RTL4: variants seen among roughly 807,000 people sequenced by gnomAD.
The protein encoded by RTL4 is retrotransposon Gag like 4.
In RTL4, 4 loss-of-function variants were observed where a neutral mutation model predicts 5.3. That is an observed-to-expected ratio of 0.75 (90% CI 0.37 to 1.72). The LOEUF is 1.72. Ranked by LOEUF, RTL4 falls within the 40% of genes most tolerant of loss-of-function variation. RTL4 has a pLI of 0.04. For synonymous variants in RTL4, 98 were observed against 87.3 expected (o/e 1.12, Z -0.68); for missense variants, 260 against 227.1 (o/e 1.14, Z -0.93).
the RTL4 span, among the ~76,000 whole-genome samples, chrX:112,378,267 G>A: frequency 2.7e-5 from 3 of 111,280 alleles, no homozygotes; most frequent in Admixed American, 2.9e-4. Context: ...GTTCATAGAT[G>A]GGTTAATTCA....
the RTL4 span, among the ~76,000 whole-genome samples, chrX:112,185,572 A>T: frequency 9.3e-6 from 1 of 108,002 alleles, no homozygotes; most frequent in Non-Finnish European, 1.9e-5. Flanking sequence ...GCATAATTAC[A>T]AACAGATTTG....
chrX:112,441,985 T>C, the RTL4 span, among the ~76,000 whole-genome samples: 8 of 111,750 alleles, frequency 7.2e-5, no homozygotes, highest in Non-Finnish European at 1.1e-4. Context: ...GGATAAACCT[T>C]AAAAACATAC....
chrX:112,440,774 A>G, the RTL4 span, among the ~76,000 whole-genome samples: 1 of 112,014 alleles, frequency 8.9e-6, no homozygotes, highest in African/African-American at 3.2e-5. Flanking sequence ...TTTAGCTGCT[A>G]TATCTAATAT....
the RTL4 span, among the ~76,000 whole-genome samples, chrX:112,398,030 G>A: frequency 1.8e-5 from 2 of 111,744 alleles, no homozygotes; most frequent in Admixed American, 9.5e-5. Flanking sequence ...CTGATTAAGA[G>A]TGTTGAGAGT....
At chrX:112,097,928 G>A in the RTL4 span, among the ~76,000 whole-genome samples, 1 of 111,330 alleles carries the variant, frequency 9.0e-6, no homozygotes, top group Admixed American at 9.5e-5. Flanking sequence ...GCTAGACACT[G>A]TGCTAAGATT....
chrX:112,307,818 C>T, the RTL4 span, among the ~76,000 whole-genome samples: 1 of 111,777 alleles, frequency 8.9e-6, no homozygotes, highest in Non-Finnish European at 1.9e-5. Flanking sequence ...CTTCTCTCAA[C>T]AAGAACGGCC....
the RTL4 span, among the ~76,000 whole-genome samples, chrX:112,180,575 C>G: frequency 8.9e-6 from 1 of 111,792 alleles, no homozygotes; most frequent in African/African-American, 3.3e-5. Context: ...ATTTAAATAA[C>G]TAGTTAATGT....
At chrX:112,316,609 G>T in the RTL4 span, among the ~76,000 whole-genome samples, 1 of 111,768 alleles carries the variant, frequency 8.9e-6, no homozygotes, top group Non-Finnish European at 1.9e-5. Context: ...ATGTCATCTT[G>T]AACTATTAAA....
At chrX:112,330,502 A>T in the RTL4 span, among the ~76,000 whole-genome samples, 1 of 111,039 alleles carries the variant, frequency 9.0e-6, no homozygotes, top group Admixed American at 9.6e-5. Context: ...CAAGGAAATA[A>T]AAGAGGATAC....
chrX:112,300,470 C>T, the RTL4 span, among the ~76,000 whole-genome samples: 7 of 112,208 alleles, frequency 6.2e-5, no homozygotes, highest in African/African-American at 2.3e-4. Flanking sequence ...AAAGTGTTAA[C>T]TGTGTCTTTT....
the RTL4 span, among the ~76,000 whole-genome samples, chrX:112,278,403 C>T: frequency 8.9e-6 from 1 of 111,913 alleles, no homozygotes; most frequent in African/African-American, 3.2e-5. Context: ...GGAAATTTGA[C>T]CACCCAAAGA....
the RTL4 span, among the ~76,000 whole-genome samples, chrX:112,267,197 T>TA: frequency 1.8e-5 from 2 of 111,856 alleles, no homozygotes; most frequent in Admixed American, 9.5e-5. Flanking sequence ...GTTCTCTACT[T>TA]ACTGTCCCCA....
At chrX:112,249,788 T>TAGAG in the RTL4 span, among the ~76,000 whole-genome samples, 6,934 of 97,135 alleles carry the variant, frequency 0.071, 234 homozygotes, top group Non-Finnish European at 0.1. Flanking sequence ...TATATATATA[T>TAGAG]ATATAGAGAG....
chrX:112,261,329 G>A, the RTL4 span, among the ~76,000 whole-genome samples: 1 of 111,609 alleles, frequency 9.0e-6, no homozygotes, highest in Non-Finnish European at 1.9e-5. Flanking sequence ...AAGCTGATAA[G>A]CAACTTCAGC....
At chrX:112,243,812 C>G in the RTL4 span, among the ~76,000 whole-genome samples, 1 of 111,552 alleles carries the variant, frequency 9.0e-6, no homozygotes, top group South Asian at 3.7e-4. Flanking sequence ...TAGATCTTTC[C>G]TGCTTTCTCT....
chrX:112,386,990 C>T, the RTL4 span, among the ~76,000 whole-genome samples: 1 of 109,829 alleles, frequency 9.1e-6, no homozygotes, highest in Non-Finnish European at 1.9e-5. Context: ...TAAGTGTTCC[C>T]TTTTCACCAC....
At chrX:112,394,501 T>C in the RTL4 span, among the ~76,000 whole-genome samples, 1 of 111,881 alleles carries the variant, frequency 8.9e-6, no homozygotes, top group African/African-American at 3.2e-5. Context: ...ATTTAAAAGA[T>C]GAGATATAAA....
chrX:112,086,934 A>G, the RTL4 span, among the ~76,000 whole-genome samples: 4,042 of 112,232 alleles, frequency 0.036, 163 homozygotes, highest in African/African-American at 0.11. Flanking sequence ...AAAGCCTTAC[A>G]TTAATTAATG....
the RTL4 span, among the ~76,000 whole-genome samples, chrX:112,330,762 C>T: frequency 3.6e-5 from 4 of 111,221 alleles, no homozygotes; most frequent in Admixed American, 3.8e-4. Flanking sequence ...AACTATACTA[C>T]AAGGCTACAG....
Sources: gnomAD v4.1 joint callset for allele counts (sites outside exome capture counted in the v4.1 genomes callset) on GRCh38, gnomAD v4.1.1 for gene constraint, MANE v1.5 for transcripts, NCBI Gene and HGNC (gene_info 2026-07-23, HGNC 2026-07-21) for gene names.